SLC17A1: variants seen among roughly 807,000 people sequenced by gnomAD.
The protein encoded by SLC17A1 is sodium-dependent phosphate transport protein 1.
SLC17A1 carries 51 observed loss-of-function variants against 53.5 expected under a neutral mutation model. That is an observed-to-expected ratio of 0.95 (90% CI 0.76 to 1.20). The LOEUF is 1.20. SLC17A1 is among the 50% of genes most tolerant of loss of function. The probability of loss-of-function intolerance (pLI) is 0.00; values close to 1 mark genes in which losing one functional copy is unlikely to be tolerated. For synonymous variants in SLC17A1, 179 were observed against 198.8 expected (o/e 0.90, Z 0.84); for missense variants, 538 against 568.2 (o/e 0.95, Z 0.54).
intron 2 of SLC17A1, among the ~76,000 whole-genome samples, chr6:25,828,508 T>A (rs1481893472): frequency 6.6e-6 from 1 of 152,126 alleles, no homozygotes; most frequent in Non-Finnish European, 1.5e-5. Flanking sequence ...ATGTATACAT[T>A]TTCTAACATT....
chr6:25,758,350 GCCTA>G, the SLC17A1 span, among the ~76,000 whole-genome samples: 1 of 152,226 alleles, frequency 6.6e-6, no homozygotes, highest in East Asian at 1.9e-4. Context: ...TTTCATCTCA[GCCTA>G]CCTGTGTCCC....
intron 10 of SLC17A1, among the ~76,000 whole-genome samples, chr6:25,807,575 T>C (rs1764002744): frequency 6.6e-6 from 1 of 152,008 alleles, no homozygotes; most frequent in Non-Finnish European, 1.5e-5. Context: ...GCAGTGCACA[T>C]TGCACCCAAT....
chr6:25,743,221 G>A, the SLC17A1 span, among the ~76,000 whole-genome samples: 2 of 152,104 alleles, frequency 1.3e-5, no homozygotes, highest in Non-Finnish European at 2.9e-5. Context: ...CCATGTTAAT[G>A]ATTTACAAGC....
At chr6:25,829,136 A>G (rs888852179) in intron 2 of SLC17A1, among the ~76,000 whole-genome samples, 4 of 152,150 alleles carry the variant, frequency 2.6e-5, no homozygotes, top group Non-Finnish European at 5.9e-5. Flanking sequence ...TTGAAGTCAG[A>G]TGTTTCACTG....
At chr6:25,830,409 C>T in intron 2 of SLC17A1, 115 bp downstream of exon 2, 1 of 783,400 alleles carries the variant, frequency 1.3e-6, no homozygotes, top group Non-Finnish European at 2.2e-6. Flanking sequence ...ACCTTCTTTT[C>T]TGAACATTTT....
downstream of SLC17A1, among the ~76,000 whole-genome samples, chr6:25,782,095 T>C (rs1763279581): frequency 6.6e-6 from 1 of 152,166 alleles, no homozygotes; most frequent in Non-Finnish European, 1.5e-5. Context: ...TTATGAGAGA[T>C]GGTGTGAGGA....
At chr6:25,801,502 C>T (rs1763758515) in intron 10 of SLC17A1, among the ~76,000 whole-genome samples, 1 of 152,160 alleles carries the variant, frequency 6.6e-6, no homozygotes, top group Non-Finnish European at 1.5e-5. Context: ...AGTGAAGCTG[C>T]AGCGAACGAT....
At chr6:25,737,637 A>G in the SLC17A1 span, among the ~76,000 whole-genome samples, 3 of 152,264 alleles carry the variant, frequency 2.0e-5, no homozygotes, top group African/African-American at 7.2e-5. Flanking sequence ...ACAACCAGTA[A>G]TATATGACCA....
At chr6:25,764,064 G>A in the SLC17A1 span, among the ~76,000 whole-genome samples, 1 of 152,150 alleles carries the variant, frequency 6.6e-6, no homozygotes, top group Non-Finnish European at 1.5e-5. Context: ...CACAAAGTGG[G>A]TATTTTTCAG....
chr6:25,810,571 TAG>T (rs370139426), intron 10 of SLC17A1, among the ~76,000 whole-genome samples: 180 of 152,208 alleles, frequency 1.2e-3, no homozygotes, highest in African/African-American at 4.2e-3. Flanking sequence ...CTACACCTGT[TAG>T]AGTGTCTGTT....
chr6:25,815,171 GA>G (rs142023326), intron 6 of SLC17A1, among the ~76,000 whole-genome samples: 1,260 of 112,544 alleles, frequency 0.011, 22 homozygotes, highest in East Asian at 0.085. Flanking sequence ...GAGAGAAAGA[GA>G]AAAAAAAGAA....
At chr6:25,788,074 A>T (rs1763422077) in intron 12 of SLC17A1, among the ~76,000 whole-genome samples, 1 of 152,140 alleles carries the variant, frequency 6.6e-6, no homozygotes, top group Non-Finnish European at 1.5e-5. Context: ...CCATTTCTTA[A>T]CATAAAGAGC....
chr6:25,789,226 A>G (rs771249935), intron 12 of SLC17A1, among the ~76,000 whole-genome samples: 5 of 152,220 alleles, frequency 3.3e-5, no homozygotes, highest in Non-Finnish European at 5.9e-5. Flanking sequence ...CCACAAAGTA[A>G]GAAAGTGCTC....
intron 10 of SLC17A1, among the ~76,000 whole-genome samples, chr6:25,810,018 G>C (rs1267379442): frequency 1.3e-5 from 2 of 151,996 alleles, no homozygotes; most frequent in Non-Finnish European, 2.9e-5. Context: ...ATGAGGGAAG[G>C]ATGGTGTCTT....
intron 2 of SLC17A1, among the ~76,000 whole-genome samples, chr6:25,828,735 C>A (rs1288206044): frequency 1.3e-5 from 2 of 151,904 alleles, no homozygotes; most frequent in African/African-American, 4.8e-5. Flanking sequence ...AATTTTATAT[C>A]ATTTTGCAAC....
intron 3 of SLC17A1, 65 bp downstream of exon 3, chr6:25,826,396 C>T: frequency 1.5e-6 from 2 of 1,333,154 alleles, no homozygotes; most frequent in Non-Finnish European, 2.1e-6. Context: ...AATTCCATAT[C>T]TACACAAATT....
At chr6:25,726,869 G>C in the SLC17A1 span, 2 of 1,574,300 alleles carry the variant, frequency 1.3e-6, no homozygotes, top group Non-Finnish European at 8.6e-7. Flanking sequence ...GTGTAACCCT[G>C]GAAAAGAACC....
At chr6:25,781,120 G>A (rs192823175), downstream of SLC17A1, 18 of 151,932 alleles carry the variant, frequency 1.2e-4, no homozygotes, top group East Asian at 3.5e-3. Context: ...AAGGAAGCTT[G>A]GGAATAAGCC....
rs768277931 is a variant in SLC17A1 at position 25,819,748 on chromosome 6, G to C, written c.375C>G (p.Ile125Met). 1 of 1,614,158 alleles carries C rather than the reference G, an allele frequency of 6.2e-7. No individual in the cohort carries two copies. Among genetic ancestry groups the C allele is most frequent in the East Asian group, 2.2e-5 (1 of 44,884 alleles). Residue 125 changes from isoleucine (I) to methionine (M), a missense_variant, in exon 4 of 13, where the codon ATC (isoleucine) becomes ATG (methionine). By Grantham distance (10) the Ile-to-Met change is conservative. Coordinates refer to ENST00000244527, the MANE Select transcript of SLC17A1 (RefSeq NM_005074.5). ...CTACTCCAATTCCAGCTGCTGGTGG[G>C]ATGAGCAGGCTTAACACAGAGCTGA... ...LCLSSVLSLLIPPAAGIGVAW... is the reference protein window; with the variant it reads ...LCLSSVLSLLMPPAAGIGVAW...
Sources: gnomAD v4.1 joint callset for allele counts (sites outside exome capture counted in the v4.1 genomes callset) on GRCh38, gnomAD v4.1.1 for gene constraint, MANE v1.5 for transcripts, NCBI Gene and HGNC (gene_info 2026-07-23, HGNC 2026-07-21) for gene names.